The following ZEB2 variants were observed in gnomAD, a reference collection of about 807,000 sequenced individuals.
ZEB2 encodes the protein zinc finger E-box-binding homeobox 2.
Under a neutral mutation model 99.9 loss-of-function variants are expected in ZEB2, and 6 were observed. The observed-to-expected ratio is 0.06, with a 90% confidence interval of 0.03 to 0.12. ZEB2 has a LOEUF of 0.12. ZEB2 is among the 10% of genes least tolerant of loss of function. The probability of loss-of-function intolerance (pLI) is 1.00; values close to 1 mark genes in which losing one functional copy is unlikely to be tolerated. For synonymous variants in ZEB2, 517 were observed against 542.5 expected (o/e 0.95, Z 0.65); for missense variants, 969 against 1,502.8 (o/e 0.64, Z 5.87).
At chr2:144,409,087 T>C (rs1359737363) in intron 4 of ZEB2, among the ~76,000 whole-genome samples, 1 of 152,208 alleles carries the variant, frequency 6.6e-6, no homozygotes, top group African/African-American at 2.4e-5. Flanking sequence ...ACAGTTCATT[T>C]CTAGCTCTTC....
intron 2 of ZEB2, among the ~76,000 whole-genome samples, chr2:144,480,711 C>T (rs1466546558): frequency 7.6e-6 from 1 of 131,022 alleles, no homozygotes; most frequent in African/African-American, 2.9e-5. Flanking sequence ...TCTATTTTCT[C>T]TCTATACTAA....
chr2:144,478,694 C>T (rs1287250080), intron 2 of ZEB2, among the ~76,000 whole-genome samples: 2 of 152,184 alleles, frequency 1.3e-5, no homozygotes, highest in Non-Finnish European at 2.9e-5. Flanking sequence ...TTTCTCTCAC[C>T]TACATTTTTA....
chr2:144,418,421 G>T (rs541853168), intron 4 of ZEB2, among the ~76,000 whole-genome samples: 2 of 152,324 alleles, frequency 1.3e-5, no homozygotes, highest in East Asian at 3.9e-4. Context: ...AGGCCTGGTG[G>T]CTCATGCCTG....
At chr2:144,484,417 C>A (rs1016459111) in intron 2 of ZEB2, among the ~76,000 whole-genome samples, 1 of 152,096 alleles carries the variant, frequency 6.6e-6, no homozygotes, top group Admixed American at 6.5e-5. Context: ...GGGCCAGGAG[C>A]CCAAATTTCC....
intron 3 of ZEB2, among the ~76,000 whole-genome samples, chr2:144,425,900 C>T (rs1180368426): frequency 2.0e-5 from 3 of 152,114 alleles, no homozygotes; most frequent in African/African-American, 7.2e-5. Context: ...TAGGACTCTA[C>T]GAATTTCCAA....
chr2:144,440,889 T>C (rs1703907286), intron 2 of ZEB2, among the ~76,000 whole-genome samples: 1 of 151,576 alleles, frequency 6.6e-6, no homozygotes, highest in African/African-American at 2.4e-5. Context: ...CTTCAGAATG[T>C]TCAAATAATT....
chr2:144,514,507 C>A (rs963483499), intron 2 of ZEB2: 2 of 152,206 alleles, frequency 1.3e-5, no homozygotes, highest in African/African-American at 4.8e-5. Context: ...AAAGTGACAT[C>A]TTTTCCATGA....
At chr2:144,402,493 A>G (rs1325382933) in intron 6 of ZEB2, among the ~76,000 whole-genome samples, 1 of 152,214 alleles carries the variant, frequency 6.6e-6, no homozygotes, top group Non-Finnish European at 1.5e-5. Context: ...ACAAACAGCA[A>G]CAGCTGCTTT....
chr2:144,434,412 A>T (rs1285091095), intron 2 of ZEB2, among the ~76,000 whole-genome samples: 1 of 152,180 alleles, frequency 6.6e-6, no homozygotes, highest in East Asian at 1.9e-4. Context: ...GGACACTTGA[A>T]GTCAACTCTT....
chr2:144,404,684 C>G, intron 5 of ZEB2, 152 bp downstream of exon 5: 2 of 1,089,770 alleles, frequency 1.8e-6, no homozygotes, highest in East Asian at 2.6e-5. Flanking sequence ...TCACAATACC[C>G]TAAAATTACA....
At chr2:144,438,398 G>A (rs1268592521) in intron 2 of ZEB2, among the ~76,000 whole-genome samples, 1 of 152,046 alleles carries the variant, frequency 6.6e-6, no homozygotes, top group Non-Finnish European at 1.5e-5. Context: ...ATAGATCTTA[G>A]TGGATGGGGA....
At chr2:144,492,913 A>G (rs1263893316) in intron 2 of ZEB2, among the ~76,000 whole-genome samples, 1 of 152,230 alleles carries the variant, frequency 6.6e-6, no homozygotes, top group African/African-American at 2.4e-5. Context: ...TTTGTATGTC[A>G]TGGCCTGAGC....
chr2:144,498,308 T>C (rs1357042406), intron 2 of ZEB2, among the ~76,000 whole-genome samples: 2 of 150,138 alleles, frequency 1.3e-5, no homozygotes, highest in Non-Finnish European at 1.5e-5. Flanking sequence ...TGTGATTCTC[T>C]AACCCTTGTG....
chr2:144,496,659 C>T (rs183756769), intron 2 of ZEB2: 1 of 152,290 alleles, frequency 6.6e-6, no homozygotes, highest in East Asian at 1.9e-4. Context: ...TTCTTCCTGA[C>T]TCCAGGCTCA....
chr2:144,416,170 A>G (rs1007087079), intron 4 of ZEB2, among the ~76,000 whole-genome samples: 1 of 152,106 alleles, frequency 6.6e-6, no homozygotes, highest in Admixed American at 6.5e-5. Context: ...GTGTACTTCA[A>G]TGTGACAATC....
chr2:144,488,307 G>A (rs918233107), intron 2 of ZEB2, among the ~76,000 whole-genome samples: 1 of 152,192 alleles, frequency 6.6e-6, no homozygotes, highest in Non-Finnish European at 1.5e-5. Flanking sequence ...AGTGAGCTAA[G>A]GAAGTAATGG....
intron 9 of ZEB2, among the ~76,000 whole-genome samples, chr2:144,391,996 T>C (rs141101283): frequency 4.7e-4 from 71 of 152,354 alleles, no homozygotes; most frequent in African/African-American, 1.6e-3. Flanking sequence ...GGATTGCACA[T>C]AGTAGGCAGT....
chr2:144,515,304 A>AG (rs1181542935), intron 2 of ZEB2, among the ~76,000 whole-genome samples: 1 of 152,146 alleles, frequency 6.6e-6, no homozygotes, highest in Admixed American at 6.6e-5. Flanking sequence ...TACTTGTAAG[A>AG]GGGGGAAAAA....
At chr2:144,401,131 AAC>A in intron 7 of ZEB2, 66 bp downstream of exon 7, 1 of 1,426,160 alleles carries the variant, frequency 7.0e-7, no homozygotes, top group Non-Finnish European at 9.9e-7. Flanking sequence ...GTAAATTTTA[AAC>A]AATCTTTTAA....
Sources: allele counts gnomAD v4.1 joint callset (sites outside exome capture counted in the v4.1 genomes callset), GRCh38; gene constraint gnomAD v4.1.1; transcripts MANE v1.5; gene names NCBI Gene and HGNC (gene_info 2026-07-23, HGNC 2026-07-21).